Variants in LOC400499 observed in about 807,000 individuals in gnomAD.
the LOC400499 span, among the ~76,000 whole-genome samples, chr16:11,411,962 A>T: frequency 6.6e-6 from 1 of 151,898 alleles, no homozygotes; most frequent in African/African-American, 2.4e-5. Flanking sequence ...TCCCAGACTC[A>T]AGTGATCCTC....
chr16:11,489,010 G>C, the LOC400499 span: 2 of 395,768 alleles, frequency 5.1e-6, no homozygotes, highest in South Asian at 1.4e-4. Context: ...TGGCTACAGA[G>C]ACCTACGTCT....
At chr16:11,496,340 T>C in the LOC400499 span, among the ~76,000 whole-genome samples, 9 of 152,218 alleles carry the variant, frequency 5.9e-5, no homozygotes, top group African/African-American at 2.2e-4. Flanking sequence ...GTGCTGGGAT[T>C]ACAGGAGTGA....
At chr16:11,479,942 T>C in the LOC400499 span, among the ~76,000 whole-genome samples, 3 of 152,300 alleles carry the variant, frequency 2.0e-5, 1 homozygote, top group Non-Finnish European at 4.4e-5. Context: ...GCCACGTATG[T>C]TTTTTATAAA....
the LOC400499 span, among the ~76,000 whole-genome samples, chr16:11,521,667 C>T: frequency 3.3e-5 from 5 of 152,144 alleles, no homozygotes; most frequent in Non-Finnish European, 5.9e-5. Context: ...AGTATGTCCC[C>T]GTTCTATGGC....
chr16:11,515,564 AGAG>A, the LOC400499 span, among the ~76,000 whole-genome samples: 1 of 151,968 alleles, frequency 6.6e-6, no homozygotes, highest in Non-Finnish European at 1.5e-5. Context: ...CTTGAAGGAA[AGAG>A]GAGAAGGGAG....
the LOC400499 span, chr16:11,401,145 A>C: frequency 7.5e-6 from 3 of 397,910 alleles, no homozygotes; most frequent in Middle Eastern, 6.2e-4. Context: ...ATTCCGGAGA[A>C]GTCTTTGTCA....
the LOC400499 span, chr16:11,450,585 T>C: frequency 2.5e-4 from 383 of 1,533,996 alleles, 1 homozygote; most frequent in African/African-American, 4.8e-3. Context: ...ACCAGACATA[T>C]ATCGGGGGCC....
chr16:11,467,358 C>T, the LOC400499 span: 1 of 151,328 alleles, frequency 6.6e-6, no homozygotes, highest in East Asian at 1.9e-4. Context: ...GCCTGTAATC[C>T]TAGCACTTTG....
the LOC400499 span, among the ~76,000 whole-genome samples, chr16:11,427,869 T>A: frequency 3.3e-5 from 5 of 152,328 alleles, no homozygotes; most frequent in Admixed American, 6.5e-5. Context: ...TATTATAATC[T>A]ATTTGGGTGT....
the LOC400499 span, chr16:11,484,880 T>A: frequency 7.5e-6 from 3 of 399,164 alleles, no homozygotes; most frequent in African/African-American, 2.1e-5. Context: ...CTCCCTTACC[T>A]TCTGCTGTAG....
At chr16:11,480,959 T>A in the LOC400499 span, among the ~76,000 whole-genome samples, 1 of 152,170 alleles carries the variant, frequency 6.6e-6, no homozygotes, top group East Asian at 1.9e-4. Flanking sequence ...CAAATGTCCA[T>A]CAGTGAATGA....
At chr16:11,423,551 G>C in the LOC400499 span, among the ~76,000 whole-genome samples, 1 of 152,256 alleles carries the variant, frequency 6.6e-6, no homozygotes, top group Non-Finnish European at 1.5e-5. Flanking sequence ...ACGCAAGTCA[G>C]GGAAAGAGGA....
At chr16:11,380,023 TCACAGCTCAATG>T in the LOC400499 span, among the ~76,000 whole-genome samples, 4 of 152,202 alleles carry the variant, frequency 2.6e-5, no homozygotes, top group Non-Finnish European at 5.9e-5. Context: ...AGTGGCATTA[TCACAGCTCAATG>T]TAACCTCAAG....
At chr16:11,444,403 A>T in the LOC400499 span, among the ~76,000 whole-genome samples, 1 of 152,136 alleles carries the variant, frequency 6.6e-6, no homozygotes, top group Non-Finnish European at 1.5e-5. Context: ...CCCTGCCTCA[A>T]AAAAGACCCT....
the LOC400499 span, chr16:11,493,790 G>A: frequency 1.6e-5 from 6 of 385,548 alleles, no homozygotes; most frequent in African/African-American, 1.4e-4. Context: ...TTCAGCACAA[G>A]CTGGAGCTAA....
the LOC400499 span, among the ~76,000 whole-genome samples, chr16:11,505,712 G>A: frequency 6.6e-6 from 1 of 151,904 alleles, no homozygotes; most frequent in Non-Finnish European, 1.5e-5. Context: ...GCCTCCCAAA[G>A]TGCTGTGTTT....
chr16:11,524,999 T>C, the LOC400499 span, among the ~76,000 whole-genome samples: 2 of 152,276 alleles, frequency 1.3e-5, no homozygotes, highest in East Asian at 1.9e-4. Flanking sequence ...GAAAAACACA[T>C]TGTGCCTGGG....
chr16:11,476,978 G>A, the LOC400499 span: 3 of 399,108 alleles, frequency 7.5e-6, no homozygotes, highest in South Asian at 1.3e-4. Flanking sequence ...GCTGCATCCC[G>A]AGGGCCCTGG....
chr16:11,489,389 G>A, the LOC400499 span, among the ~76,000 whole-genome samples: 1 of 152,176 alleles, frequency 6.6e-6, no homozygotes, highest in African/African-American at 2.4e-5. Flanking sequence ...TAAAAGCAGA[G>A]CCTGGACCTA....
Sources: allele counts gnomAD v4.1 joint callset (sites outside exome capture counted in the v4.1 genomes callset), GRCh38; gene constraint gnomAD v4.1.1; transcripts MANE v1.5.